The following COL4A6 variants were observed in gnomAD, a reference collection of about 807,000 sequenced individuals.
The protein encoded by COL4A6 is collagen alpha-6(IV) chain.
COL4A6 carries 59 observed loss-of-function variants against 126.7 expected under a neutral mutation model. The ratio of observed to expected loss-of-function variants is 0.47; its 90% CI spans 0.38 to 0.58. The LOEUF (loss-of-function observed/expected upper bound fraction) is 0.58. Ranked by LOEUF, COL4A6 falls within the 20% of genes least tolerant of loss-of-function variation. The pLI is 0.00. For synonymous variants in COL4A6, 547 were observed against 496.6 expected, an observed-to-expected ratio of 1.10 and a Z score of -1.35; for missense variants, 1,285 against 1,337.3, an observed-to-expected ratio of 0.96 and a Z score of 0.61.
intron 2 of COL4A6, among the ~76,000 whole-genome samples, chrX:108,343,332 C>T (rs2039630532): frequency 9.3e-6 from 1 of 107,798 alleles, no homozygotes; most frequent in Non-Finnish European, 1.9e-5. Context: ...GGGGACGGAA[C>T]TGTGGCAAGA....
In COL4A6 at chrX:108,165,542, AGGCTC is replaced by A. The variant is rs1426534562; in HGVS notation, c.3692-61_3692-57del. The A allele has an allele frequency of 4.7e-6, 4 of 845,150 alleles. No individual in the cohort carries two copies. In the African/African-American group the frequency reaches 8.2e-5, roughly 17 times the overall value. The allele number at this position is 845,150 out of a possible 1,213,427, so 69.6% of individuals were successfully genotyped here. On this transcript the variant is annotated intron_variant, in intron 37 of 44. Coordinates refer to ENST00000334504, the MANE Select transcript of COL4A6 (RefSeq NM_033641.4). The stretch of plus-strand genomic sequence containing the variant: ...GGCTCTGTGTGCCCAGAAGATGGCC[AGGCTC>A]TTTCAGAGAAAATGGAAGCTCACAC...
At chrX:108,187,629 T>C (rs1033378180) in intron 22 of COL4A6, among the ~76,000 whole-genome samples, 2 of 112,072 alleles carry the variant, frequency 1.8e-5, no homozygotes, top group Admixed American at 9.4e-5. Flanking sequence ...GGTCAGGTGT[T>C]ACTAGCATTT....
At chrX:108,199,040 G>A (rs1041299737) in intron 13 of COL4A6, among the ~76,000 whole-genome samples, 7 of 111,548 alleles carry the variant, frequency 6.3e-5, no homozygotes, top group African/African-American at 2.3e-4. Context: ...GGGATAAAAT[G>A]TGTGAGGTGA....
rs2038741864 is a variant in COL4A6, at chrX:108,310,763, A to G, written c.129T>C (p.Pro43=). 19 of 1,207,985 alleles carry G rather than the reference A, an allele frequency of 1.6e-5. No homozygotes were observed. Among genetic ancestry groups the G allele is most frequent in the Non-Finnish European group, 2.0e-5 (18 of 893,668 alleles). The change falls in exon 3 of 45, where the codon CCT becomes CCC. Residue 43 remains proline, a synonymous_variant. Coordinates refer to ENST00000334504, the MANE Select transcript of COL4A6 (RefSeq NM_033641.4). ...AGCAACTTACTCTCGCTCCTTTCTCAGGAAAACACTGACAGCTCCCACTGC... is the reference window on the plus strand; with the variant it reads ...AGCAACTTACTCTCGCTCCTTTCTCGGGAAAACACTGACAGCTCCCACTGC... ...QDCSGSCQCF[P]EKGARGRPGP... is the part of the protein sequence containing the mutation.
intron 2 of COL4A6, among the ~76,000 whole-genome samples, chrX:108,353,105 A>G (rs779687630): frequency 8.9e-6 from 1 of 111,737 alleles, no homozygotes; most frequent in Admixed American, 9.5e-5. Context: ...AAAAAAGGCT[A>G]GACAAGTTCA....
intron 3 of COL4A6, among the ~76,000 whole-genome samples, chrX:108,280,414 G>A (rs759106088): frequency 8.9e-6 from 1 of 111,911 alleles, no homozygotes. Flanking sequence ...TAAAGTCCTC[G>A]ACACATACAC....
chrX:108,276,945 G>T (rs781178061), intron 3 of COL4A6, among the ~76,000 whole-genome samples: 2 of 112,389 alleles, frequency 1.8e-5, no homozygotes, highest in Admixed American at 9.4e-5. Flanking sequence ...GGAAATTTTC[G>T]AAAGCAATGG....
In COL4A6 at chrX:108,397,562, A is replaced by T. The variant is rs368693112; in HGVS notation, c.63+40380T>A. Among the ~76,000 whole-genome samples, 5 of 109,393 alleles carry T rather than the reference A, an allele frequency of 4.6e-5. No homozygotes were observed. The East Asian group carries it at 1.2e-3, about 25-fold the overall frequency. The allele number at this position is 109,393 out of a possible 115,157, so 95.0% of individuals were successfully genotyped here. A position where few individuals can be genotyped will look rare whatever the true frequency, so the allele number is the denominator to read the frequency against. ...CATTCAAGTAAGCAATAAAAACATG[A>T]CATTCAATTAATGGAAGATATTCAG... On this transcript the variant is annotated intron_variant, in intron 2 of 44. Transcript: ENST00000334504.
chrX:108,437,915 G>T (rs769389703), intron 2 of COL4A6, 27 bp downstream of exon 2: 3 of 1,208,901 alleles, frequency 2.5e-6, no homozygotes, highest in Non-Finnish European at 3.4e-6. Context: ...GGAGGGGGAC[G>T]GAAAAGGGTC....
intron 44 of COL4A6, 126 bp from the exon 45 acceptor site, chrX:108,157,386 C>T: frequency 3.1e-6 from 3 of 976,543 alleles, no homozygotes; most frequent in Non-Finnish European, 4.1e-6. Flanking sequence ...CTTGTCTCAG[C>T]CCCCAGTTCA....
intron 2 of COL4A6, among the ~76,000 whole-genome samples, chrX:108,379,808 A>C (rs1283311524): frequency 9.1e-6 from 1 of 110,121 alleles, no homozygotes; most frequent in Non-Finnish European, 1.9e-5. Context: ...CATTTAAAAT[A>C]AGTTAATATT....
intron 2 of COL4A6, among the ~76,000 whole-genome samples, chrX:108,382,413 A>G (rs2040578512): frequency 8.9e-6 from 1 of 111,766 alleles, no homozygotes; most frequent in Non-Finnish European, 1.9e-5. Flanking sequence ...TGAAAATATT[A>G]TCATCACTCT....
chrX:108,217,490 CAG>C, intron 5 of COL4A6, among the ~76,000 whole-genome samples: 2 of 111,125 alleles, frequency 1.8e-5, no homozygotes, highest in African/African-American at 6.5e-5. Context: ...TTACTCTATG[CAG>C]AGTTTGGTCA....
Position 108,179,330 on chromosome X carries a change from C to T in COL4A6, c.2240G>A (p.Gly747Glu). 8.3e-7 allele frequency: 1 copy of T among 1,211,302 alleles called. No homozygotes were observed. The highest frequency in any genetic ancestry group is 1.1e-6 in the Non-Finnish European group (1 of 895,327). ...AGCACCAAAGATGTCACCAGTGGCT[C>T]CCTTGGAACCAGGTAAGCCTGGACT... ...IGSPGLPGSKGATGDIFGAEN... is the reference protein window; with the variant it reads ...IGSPGLPGSKEATGDIFGAEN... Residue 747 changes from glycine to glutamate, a missense_variant, in exon 26 of 45, where the codon GGA (glycine) becomes GAA (glutamate). Transcript: ENST00000334504.
intron 2 of COL4A6, among the ~76,000 whole-genome samples, chrX:108,393,487 G>A (rs780279551): frequency 2.7e-5 from 3 of 112,061 alleles, no homozygotes; most frequent in Admixed American, 1.9e-4. Flanking sequence ...GGGAGATAAA[G>A]TTATAGAGGG....
chrX:108,171,549 T>TTC, intron 32 of COL4A6, 88 bp from the exon 33 acceptor site: 2 of 794,553 alleles, frequency 2.5e-6, no homozygotes, highest in Non-Finnish European at 3.7e-6. Context: ...ATTTTTTTTT[T>TTC]CAGATTCAGT....
At chrX:108,311,951 A>G (rs1315480047) in intron 2 of COL4A6, among the ~76,000 whole-genome samples, 2 of 111,926 alleles carry the variant, frequency 1.8e-5, no homozygotes, top group Admixed American at 9.5e-5. Flanking sequence ...TTAACCCTTA[A>G]GCCTTAGTGT....
intron 23 of COL4A6, among the ~76,000 whole-genome samples, chrX:108,184,017 C>T (rs759506776): frequency 2.7e-5 from 3 of 111,642 alleles, no homozygotes; most frequent in Non-Finnish European, 3.8e-5. Context: ...TCTGCTTGCC[C>T]AAAGTTTTTA....
At chrX:108,439,402 C>T (rs763131757), upstream of COL4A6, 4 of 774,677 alleles carry the variant, frequency 5.2e-6, no homozygotes, top group Non-Finnish European at 7.3e-6. Context: ...ATTTTCACAT[C>T]TTCTGCTTGT....
Sources: gnomAD v4.1 joint callset for allele counts (sites outside exome capture counted in the v4.1 genomes callset) on GRCh38, gnomAD v4.1.1 for gene constraint, MANE v1.5 for transcripts, NCBI Gene and HGNC (gene_info 2026-07-23, HGNC 2026-07-21) for gene names.